ZNF496: variants seen among roughly 807,000 people sequenced by gnomAD.
ZNF496 encodes the protein zinc finger protein 496.
Under a neutral mutation model 58.9 loss-of-function variants are expected in ZNF496, and 11 were observed. The observed-to-expected ratio is 0.19, with a 90% CI of 0.12 to 0.31. ZNF496 has a LOEUF of 0.31. Among genes scored for constraint, ZNF496 ranks in the 10% least tolerant of loss-of-function variants. The pLI is 1.00. For missense variants in ZNF496, 660 were observed against 783.0 expected (o/e 0.84, Z 1.88); for synonymous variants, 338 against 318.2 (o/e 1.06, Z -0.66).
chr1:247,320,777 C>T (rs1364642378), intron 6 of ZNF496, among the ~76,000 whole-genome samples: 1 of 152,132 alleles, frequency 6.6e-6, no homozygotes, highest in Non-Finnish European at 1.5e-5. Context: ...CAGCATTATT[C>T]ACAAAAGCCA....
Position 247,329,746 on chromosome 1 carries a change from G to A in ZNF496, c.-37-131C>T. 1 of 806,300 alleles carries A rather than the reference G, an allele frequency of 1.2e-6. No homozygotes were observed. Among genetic ancestry groups the A allele is most frequent in the Non-Finnish European group, 1.9e-6 (1 of 534,236 alleles). The allele number at this position is 806,300 out of a possible 1,614,324, so 49.9% of individuals were successfully genotyped here. Reference sequence around the variant, plus strand: ...GGAGAAGCCCTGGGAAAGGTAGGGAGTGTTGGTGTGGCTGGTCTTTACACA... The same window carrying A: ...GGAGAAGCCCTGGGAAAGGTAGGGAATGTTGGTGTGGCTGGTCTTTACACA... On this transcript the variant is annotated intron_variant, in intron 3 of 9. Coordinates refer to ENST00000682384, the MANE Select transcript of ZNF496 (RefSeq NM_032752.3). The surrounding 1 kb of genome is among the most constrained non-coding windows in gnomAD (Gnocchi z 5.5).
At chr1:247,318,183 C>A (rs1053703051) in intron 6 of ZNF496, among the ~76,000 whole-genome samples, 1 of 152,000 alleles carries the variant, frequency 6.6e-6, no homozygotes, top group Non-Finnish European at 1.5e-5. Context: ...TCCATCTGAA[C>A]AACAGAGAGA....
At chr1:247,325,637 C>G (rs1001655139) in intron 5 of ZNF496, among the ~76,000 whole-genome samples, 2 of 152,078 alleles carry the variant, frequency 1.3e-5, no homozygotes, top group Non-Finnish European at 2.9e-5. Context: ...AAACTTTGTA[C>G]TCTTTGACCG....
At chr1:247,331,169 C>T (rs1299200619) in intron 2 of ZNF496, among the ~76,000 whole-genome samples, 2 of 152,234 alleles carry the variant, frequency 1.3e-5, no homozygotes, top group Non-Finnish European at 1.5e-5. Context: ...ACCAGACGGC[C>T]GCGTCCGTCT....
intron 9 of ZNF496, chr1:247,307,355 C>G (rs1412554096): frequency 1.0e-6 from 1 of 985,262 alleles, no homozygotes; most frequent in Non-Finnish European, 1.2e-6. Context: ...CAGAGTCCAG[C>G]AAGGGAAGAA....
intron 5 of ZNF496, among the ~76,000 whole-genome samples, chr1:247,328,350 T>TAC (rs1660206785): frequency 6.6e-6 from 1 of 152,112 alleles, no homozygotes; most frequent in South Asian, 2.1e-4. Flanking sequence ...GCCCCAGCTG[T>TAC]ACACTGGCAG....
rs1331780967 is a variant in ZNF496 at position 247,299,602 on chromosome 1, A to G, written c.*917T>C. 1 of 152,274 alleles carries G rather than the reference A, an allele frequency of 6.6e-6. No individual in the cohort carries two copies. Among genetic ancestry groups the G allele is most frequent in the Non-Finnish European group, 1.5e-5 (1 of 68,068 alleles). The allele number at this position is 152,274 out of a possible 1,614,324, so 9.4% of individuals were successfully genotyped here. The stretch of plus-strand genomic sequence containing the variant: ...CTGGAGCTTGGCTCACCCAGACAGG[A>G]GAACCCCTCACTGGGGGCAGAGCTC... On this transcript the variant is annotated 3_prime_UTR_variant, in exon 10 of 10. Transcript: ENST00000682384.
Position 247,310,356 on chromosome 1 carries a change from A to G in ZNF496, c.752T>C (p.Ile251Thr), listed in dbSNP as rs573686715. 6 of 1,614,178 alleles carry G rather than the reference A, an allele frequency of 3.7e-6. No homozygotes were observed. Among genetic ancestry groups the G allele is most frequent in the Admixed American group, 3.3e-5 (2 of 60,014 alleles). The change falls in exon 7 of 10, where the codon ATT becomes ACT. Residue 251 changes from isoleucine (I) to threonine (T), a missense_variant. Coordinates refer to ENST00000682384, the MANE Select transcript of ZNF496 (RefSeq NM_032752.3). ...CATTGAGACCCCGTAATCCTCCCCA[A>G]TGATGAACTCTCCATAGAAGCCAGT... ...AQTGFYGEFI[I>T]GEDYGVSMPP...
rs1373391526 is a variant in ZNF496, at chr1:247,308,775, A to G, written c.893-187T>C. The G allele has an allele frequency of 5.3e-6, 3 of 567,438 alleles. No homozygotes were observed. In the African/African-American group the frequency reaches 5.7e-5, roughly 11 times the overall value. The allele number at this position is 567,438 out of a possible 1,614,324, so 35.2% of individuals were successfully genotyped here. On this transcript the variant is annotated intron_variant, in intron 8 of 9. Coordinates refer to ENST00000682384, the MANE Select transcript of ZNF496 (RefSeq NM_032752.3). The surrounding 1 kb of genome is among the most constrained non-coding windows in gnomAD (Gnocchi z 4.5). ...AATGAACCTGAAGGCAAAATGGGCCAACTCCACAAACATGAGCTCTGACGC... is the reference window on the plus strand; with the variant it reads ...AATGAACCTGAAGGCAAAATGGGCCGACTCCACAAACATGAGCTCTGACGC...
chr1:247,307,400 C>T, intron 9 of ZNF496: 1 of 985,420 alleles, frequency 1.0e-6, no homozygotes, highest in Non-Finnish European at 1.2e-6. Flanking sequence ...AATGAACATC[C>T]ATCCATCTTC....
intron 9 of ZNF496, among the ~76,000 whole-genome samples, chr1:247,302,001 C>G (rs1659254780): frequency 6.6e-6 from 1 of 152,204 alleles, no homozygotes; most frequent in African/African-American, 2.4e-5. Context: ...TCTGGACTTC[C>G]TGCATCCTGA....
At chr1:247,310,178 C>T (rs1429262398) in intron 7 of ZNF496, 146 bp downstream of exon 7, 3 of 1,471,716 alleles carry the variant, frequency 2.0e-6, no homozygotes, top group Non-Finnish European at 9.0e-7. Flanking sequence ...TGCAAATGAC[C>T]TCCTGTCCAG....
chr1:247,310,474 C>A lies in ZNF496; in HGVS notation c.652-18G>T. On this transcript the variant is annotated intron_variant, in intron 6 of 9. Coordinates refer to ENST00000682384, the MANE Select transcript of ZNF496 (RefSeq NM_032752.3). ...ACCCGACTCTGAAAGCACAGGAGAA[C>A]AGGGATGCCTCAGTCCGGGACGAGC... 6.2e-7 allele frequency: 1 copy of A among 1,613,900 alleles called. No homozygotes were observed. Among genetic ancestry groups the A allele is most frequent in the Non-Finnish European group, 8.5e-7 (1 of 1,179,934 alleles).
At position 247,323,155 on chromosome 1, in the gene ZNF496, G is replaced by A. The variant is rs763328608; in HGVS notation, c.650C>T (p.Pro217Leu). 18 of 1,612,698 alleles carry A rather than the reference G, an allele frequency of 1.1e-5. No homozygotes were observed. Among genetic ancestry groups the A allele is most frequent in the East Asian group, 2.2e-5 (1 of 44,864 alleles). The change falls in exon 6 of 10, where the codon CCG (proline) becomes CTG (leucine). Residue 217 changes from proline to leucine, a missense_variant and splice_region_variant. Transcript: ENST00000682384. Reference protein sequence around the residue: ...TQQVTTLQLPPSRVSPFKDMI... With the variant: ...TQQVTTLQLPLSRVSPFKDMI... ...AGGACTCCTGTAGAAACCACTCACC[G>A]GGGGTAGCTGGAGGGTGGTCACCTG...
intron 2 of ZNF496, among the ~76,000 whole-genome samples, chr1:247,330,511 C>A (rs1486048977): frequency 6.6e-6 from 1 of 152,206 alleles, no homozygotes; most frequent in African/African-American, 2.4e-5. Flanking sequence ...GCCACACCCC[C>A]AAGGTGGGAC....
intron 6 of ZNF496, chr1:247,312,161 T>G (rs1659621708): frequency 6.6e-6 from 1 of 152,094 alleles, no homozygotes; most frequent in African/African-American, 2.4e-5. Context: ...TTAAATCACT[T>G]CTCTCTTTTC....
At chr1:247,319,472 T>C (rs921805830) in intron 6 of ZNF496, among the ~76,000 whole-genome samples, 13 of 150,878 alleles carry the variant, frequency 8.6e-5, no homozygotes, top group African/African-American at 3.2e-4. Context: ...CACAGAAAAA[T>C]AGGAAAAAGG....
chr1:247,297,480 AAGAG>A lies in ZNF496; in HGVS notation c.*3035_*3038del, dbSNP rs1335072218. On this transcript the variant is annotated 3_prime_UTR_variant, in exon 10 of 10. Coordinates refer to ENST00000682384, the MANE Select transcript of ZNF496 (RefSeq NM_032752.3). ...ACGATGCCAAGGGATCAGAGGAACA[AAGAG>A]AGAGGATGTTGCTCAGATGGGGGTC... The A allele has an allele frequency of 6.6e-6, 1 of 152,192 alleles. No individual in the cohort carries two copies. The highest frequency in any genetic ancestry group is 1.5e-5 in the Non-Finnish European group (1 of 68,048). 9.4% of individuals were successfully genotyped at this position (152,192 alleles called of 1,614,324 possible). A position where few individuals can be genotyped will look rare whatever the true frequency, so the allele number is the denominator to read the frequency against.
At position 247,304,914 on chromosome 1, in the gene ZNF496, G is replaced by C. The variant is rs184986255; in HGVS notation, c.1006+3561C>G. 1.2e-4 allele frequency among the ~76,000 whole-genome samples: 18 copies of C among 152,290 alleles called. No homozygotes were observed. In the East Asian group the frequency reaches 3.5e-3, roughly 29 times the overall value. ...ATTTAGATGAGATTTTGGACTTACA[G>C]TTGATGCTGAAACAGGTTGAGAATT... On this transcript the variant is annotated intron_variant, in intron 9 of 9. Coordinates refer to ENST00000682384, the MANE Select transcript of ZNF496 (RefSeq NM_032752.3).
Sources: gnomAD v4.1 joint callset for allele counts (sites outside exome capture counted in the v4.1 genomes callset) on GRCh38, gnomAD v4.1.1 for gene constraint, Gnocchi (gnomAD v3.1) non-coding constraint, MANE v1.5 for transcripts, NCBI Gene and HGNC (gene_info 2026-07-23, HGNC 2026-07-21) for gene names.